Variants in ST3GAL4 observed in about 807,000 individuals in gnomAD.
The protein encoded by ST3GAL4 is ST3 beta-galactoside alpha-2,3-sialyltransferase 4, also known as CMP-N-acetylneuraminate-beta-galactosamide-alpha-2,3-sialyltransferase 4.
In ST3GAL4, 24 loss-of-function variants were observed where a neutral mutation model predicts 42.6. The observed-to-expected ratio is 0.56, with a 90% CI of 0.41 to 0.79. The LOEUF (loss-of-function observed/expected upper bound fraction) is 0.79, where lower values mean the gene tolerates loss of function less well. Among genes scored for constraint, ST3GAL4 ranks in the 30% least tolerant of loss-of-function variants. The probability of loss-of-function intolerance (pLI) is 0.00; values close to 1 mark genes in which losing one functional copy is unlikely to be tolerated. For synonymous variants in ST3GAL4, 135 were observed against 163.2 expected, an observed-to-expected ratio of 0.83 and a Z score of 1.32; for missense variants, 311 against 430.8, an observed-to-expected ratio of 0.72 and a Z score of 2.46.
rs371057579 is a variant in ST3GAL4 at position 126,407,260 on chromosome 11, G to A, written c.191G>A (p.Arg64Gln). Residue 64 changes from arginine (R) to glutamine (Q), a missense_variant, in exon 5 of 11, where the codon CGG becomes CAG. By Grantham distance (43) the Arg-to-Gln change is conservative. Transcript: ENST00000444328. ...KASKLFGNYSRDQPIFLRLED... is the reference protein window; with the variant it reads ...KASKLFGNYSQDQPIFLRLED... ...CTTTCACCTCTGTGCAGCTACTCCC[G>A]GGATCAGCCCATCTTCCTGCGGCTT... The A allele has an allele frequency of 9.3e-6, 15 of 1,614,060 alleles. No homozygotes were observed. The highest frequency in any genetic ancestry group is 4.0e-5 in the African/African-American group (3 of 74,924).
rs1392515692 is a variant in ST3GAL4, at chr11:126,384,232, T to G, written c.-60-21864T>G. Among the ~76,000 whole-genome samples, 2 of 152,134 alleles carry G rather than the reference T, an allele frequency of 1.3e-5. No individual in the cohort carries two copies. The highest frequency in any genetic ancestry group is 2.4e-5 in the African/African-American group (1 of 41,422). On this transcript the variant is annotated intron_variant, in intron 1 of 10. Coordinates refer to ENST00000444328, the MANE Select transcript of ST3GAL4 (RefSeq NM_001254757.2). The surrounding 1 kb of genome is among the most constrained non-coding windows in gnomAD (Gnocchi z 5.5). ...CAGTGCCCAGCAGTTGTTCTGGTGA[T>G]GGGAGGTGGGAGTACAAGGTCTGCC...
Position 126,359,165 on chromosome 11 carries a change from T to A in ST3GAL4, c.-61+3323T>A, listed in dbSNP as rs1227669583. Among the ~76,000 whole-genome samples, 1 of 152,190 alleles carries A rather than the reference T, an allele frequency of 6.6e-6. No individual in the cohort carries two copies. The highest frequency in any genetic ancestry group is 2.4e-5 in the African/African-American group (1 of 41,430). On this transcript the variant is annotated intron_variant, in intron 1 of 10. Transcript: ENST00000444328. The surrounding 1 kb of genome is among the most constrained non-coding windows in gnomAD (Gnocchi z 4.8). The stretch of plus-strand genomic sequence containing the variant: ...GTCTGCAGCGACCCTACTTGTGCTC[T>A]GCGTCCTCTGCCAACTGCAGCATGG...
intron 1 of ST3GAL4, chr11:126,403,538 C>A: frequency 1.4e-6 from 1 of 740,164 alleles, no homozygotes; most frequent in Non-Finnish European, 1.6e-6. Flanking sequence ...GGCCCCACCC[C>A]TAACCAATTA....
At chr11:126,404,631 T>C (rs1421367264) in intron 1 of ST3GAL4, among the ~76,000 whole-genome samples, 1 of 152,150 alleles carries the variant, frequency 6.6e-6, no homozygotes, top group East Asian at 1.9e-4. Flanking sequence ...TCGGGGGAGT[T>C]ACTAGGACAA....
chr11:126,388,814 C>T (rs1953351080), intron 1 of ST3GAL4, among the ~76,000 whole-genome samples: 2 of 134,396 alleles, frequency 1.5e-5, no homozygotes, highest in Middle Eastern at 3.9e-3. Flanking sequence ...TCTTGTTGCC[C>T]AGGCTGGAGT....
Position 126,379,203 on chromosome 11 carries a change from G to C in ST3GAL4, c.-61+23361G>C, listed in dbSNP as rs529139905. 6.6e-6 allele frequency among the ~76,000 whole-genome samples: 1 copy of C among 152,296 alleles called. No homozygotes were observed. The highest frequency in any genetic ancestry group is 1.5e-5 in the Non-Finnish European group (1 of 68,030). On this transcript the variant is annotated intron_variant, in intron 1 of 10. Coordinates refer to ENST00000444328, the MANE Select transcript of ST3GAL4 (RefSeq NM_001254757.2). This position sits in a 1 kb window ranked among gnomAD's most constrained non-coding sequence, Gnocchi z 4.2. ...TGTGATTCTTTCCATTTATCTAGAGGATTACGTAGCCACCAATTGCTTTGC... is the reference window on the plus strand; with the variant it reads ...TGTGATTCTTTCCATTTATCTAGAGCATTACGTAGCCACCAATTGCTTTGC...
rs1565409813 is a variant in ST3GAL4, at chr11:126,388,765, G to GT, written c.-60-17330dup. On this transcript the variant is annotated intron_variant, in intron 1 of 10. Coordinates refer to ENST00000444328, the MANE Select transcript of ST3GAL4 (RefSeq NM_001254757.2). Reference sequence around the variant, plus strand: ...TGCAAATGTACTTTAGTTTTTCAGTGTCTTTTTTTTTTTTTTTTTTTTTGA... The same window carrying GT: ...TGCAAATGTACTTTAGTTTTTCAGTGTTCTTTTTTTTTTTTTTTTTTTTTGA... 3.2e-3 allele frequency among the ~76,000 whole-genome samples: 43 copies of GT among 13,606 alleles called. 8 individuals are homozygous for GT. The highest frequency in any genetic ancestry group is 4.9e-3 in the Non-Finnish European group (35 of 7,146). The allele number at this position is 13,606 out of a possible 152,430, so 8.9% of individuals were successfully genotyped here.
At chr11:126,377,307 A>G (rs1952858165) in intron 1 of ST3GAL4, among the ~76,000 whole-genome samples, 1 of 151,682 alleles carries the variant, frequency 6.6e-6, no homozygotes. Flanking sequence ...AGTAGCTGGG[A>G]CTACAGGTGT....
chr11:126,383,672 T>C lies in ST3GAL4; in HGVS notation c.-60-22424T>C, dbSNP rs1478167328. ...GAGGAGCCTGTGTAGGTTACTGACATGGGAGGGCCGGTGTGAGCTGCAGGG... is the reference window on the plus strand; with the variant it reads ...GAGGAGCCTGTGTAGGTTACTGACACGGGAGGGCCGGTGTGAGCTGCAGGG... On this transcript the variant is annotated intron_variant, in intron 1 of 10. Coordinates refer to ENST00000444328, the MANE Select transcript of ST3GAL4 (RefSeq NM_001254757.2). The surrounding 1 kb of genome is among the most constrained non-coding windows in gnomAD (Gnocchi z 4.5). Among the ~76,000 whole-genome samples the C allele has an allele frequency of 3.3e-5, 5 of 152,060 alleles. No homozygotes were observed. Among genetic ancestry groups the C allele is most frequent in the Non-Finnish European group, 5.9e-5 (4 of 68,010 alleles).
chr11:126,380,799 T>G (rs113060357), intron 1 of ST3GAL4, among the ~76,000 whole-genome samples: 2,787 of 152,296 alleles, frequency 0.018, 89 homozygotes, highest in African/African-American at 0.062. Context: ...GGAGCTTCCC[T>G]GACTGGTGAC....
intron 1 of ST3GAL4, among the ~76,000 whole-genome samples, chr11:126,368,181 A>C (rs962851736): frequency 6.6e-6 from 1 of 150,978 alleles, no homozygotes; most frequent in African/African-American, 2.4e-5. Flanking sequence ...CAGCACCTGC[A>C]GCACAGCCCC....
In ST3GAL4 at chr11:126,414,184, C is replaced by A; in HGVS notation, c.*137C>A. 1 of 821,900 alleles carries A rather than the reference C, an allele frequency of 1.2e-6. No individual in the cohort carries two copies. Among genetic ancestry groups the A allele is most frequent in the Non-Finnish European group, 2.0e-6 (1 of 492,298 alleles). 50.9% of individuals were successfully genotyped at this position (821,900 alleles called of 1,614,324 possible). Reference sequence around the variant, plus strand: ...TTGGGGAGGGAGTTCTGGGCCTGGCCAGGTCTGAGATGAGGCCATGCCCCT... The same window carrying A: ...TTGGGGAGGGAGTTCTGGGCCTGGCAAGGTCTGAGATGAGGCCATGCCCCT... On this transcript the variant is annotated 3_prime_UTR_variant, in exon 11 of 11. Transcript: ENST00000444328.
At chr11:126,380,657 G>A (rs571699169) in intron 1 of ST3GAL4, among the ~76,000 whole-genome samples, 5 of 152,320 alleles carry the variant, frequency 3.3e-5, no homozygotes, top group African/African-American at 4.8e-5. Flanking sequence ...GTGCCGTCAG[G>A]TCTGTAAACT....
chr11:126,395,848 C>A (rs531827378), intron 1 of ST3GAL4, among the ~76,000 whole-genome samples: 1 of 152,248 alleles, frequency 6.6e-6, no homozygotes, highest in East Asian at 1.9e-4. Context: ...ATGTCTTTAT[C>A]AGCAGCACGA....
Position 126,384,055 on chromosome 11 carries a change from C to T in ST3GAL4, c.-60-22041C>T, listed in dbSNP as rs894140751. The stretch of plus-strand genomic sequence containing the variant: ...CCCAATGCAGGGCCCTCTCCTCTGG[C>T]GAGCCTGCCTTGATACTCCCCGGCT... On this transcript the variant is annotated intron_variant, in intron 1 of 10. Transcript: ENST00000444328. This position sits in a 1 kb window ranked among gnomAD's most constrained non-coding sequence, Gnocchi z 5.5. 2.0e-5 allele frequency among the ~76,000 whole-genome samples: 3 copies of T among 152,198 alleles called. No homozygotes were observed. The highest frequency in any genetic ancestry group is 4.4e-5 in the Non-Finnish European group (3 of 68,034).
At chr11:126,388,813 C>T (rs1449531533) in intron 1 of ST3GAL4, among the ~76,000 whole-genome samples, 2 of 116,256 alleles carry the variant, frequency 1.7e-5, no homozygotes, top group African/African-American at 7.6e-5. Flanking sequence ...TTCTTGTTGC[C>T]CAGGCTGGAG....
At chr11:126,381,406 T>A (rs921167417) in intron 1 of ST3GAL4, among the ~76,000 whole-genome samples, 1 of 151,778 alleles carries the variant, frequency 6.6e-6, no homozygotes, top group African/African-American at 2.4e-5. Flanking sequence ...CTCTGTGTGT[T>A]CCCAAGCCCC....
rs552597733 is a variant in ST3GAL4, at chr11:126,374,445, C to G, written c.-61+18603C>G. ...CCCCAGCCTGAATGACAAAGCAAGA[C>G]TTTGTCTCCAAAAAAAAAAAAAAAA... On this transcript the variant is annotated intron_variant, in intron 1 of 10. Transcript: ENST00000444328. Among the ~76,000 whole-genome samples the G allele has an allele frequency of 7.8e-5, 8 of 102,706 alleles. No homozygotes were observed. In the South Asian group the frequency reaches 2.7e-3, roughly 35 times the overall value. 67.4% of individuals were successfully genotyped at this position (102,706 alleles called of 152,430 possible).
At position 126,412,847 on chromosome 11, in the gene ST3GAL4, TG is replaced by T. The variant is rs564875350; in HGVS notation, c.772-654del. Among the ~76,000 whole-genome samples, 11 of 152,332 alleles carry T rather than the reference TG, an allele frequency of 7.2e-5. 1 individual carries two copies. In the South Asian group the frequency reaches 2.3e-3, roughly 32 times the overall value. On this transcript the variant is annotated intron_variant, in intron 9 of 10. Coordinates refer to ENST00000444328, the MANE Select transcript of ST3GAL4 (RefSeq NM_001254757.2). The stretch of plus-strand genomic sequence containing the variant: ...AGCCTTGGTTTTCTCATCTGTAAAA[TG>T]GGGCTGATGATAATAGCTACCTCCA...
Sources: allele counts gnomAD v4.1 joint callset (sites outside exome capture counted in the v4.1 genomes callset), GRCh38; gene constraint gnomAD v4.1.1; non-coding constraint Gnocchi (gnomAD v3.1); transcripts MANE v1.5; gene names NCBI Gene and HGNC (gene_info 2026-07-23, HGNC 2026-07-21).